CSGALNACT1: variants seen among roughly 807,000 people sequenced by gnomAD.
CSGALNACT1 encodes the protein beta4GalNAcT-1.
A neutral mutation model predicts 51.0 loss-of-function variants in CSGALNACT1; 52 were observed. That is an observed-to-expected ratio of 1.02 (90% CI 0.82 to 1.29). The LOEUF is 1.29. Among genes scored for constraint, CSGALNACT1 ranks in the 50% most tolerant of loss-of-function variants. The probability of loss-of-function intolerance (pLI) is 0.00; values close to 1 mark genes in which losing one functional copy is unlikely to be tolerated. For synonymous variants in CSGALNACT1, 341 were observed against 254.4 expected (o/e 1.34, Z -3.24); for missense variants, 935 against 679.2 (o/e 1.38, Z -4.19).
At chr8:19,452,027 T>C (rs559874740) in intron 5 of CSGALNACT1, among the ~76,000 whole-genome samples, 1 of 152,372 alleles carries the variant, frequency 6.6e-6, no homozygotes, top group Admixed American at 6.5e-5. Flanking sequence ...CATTGCAAAC[T>C]GTGTGCCAAA....
At chr8:19,451,776 A>C (rs2063224314) in intron 5 of CSGALNACT1, among the ~76,000 whole-genome samples, 1 of 152,236 alleles carries the variant, frequency 6.6e-6, no homozygotes, top group South Asian at 2.1e-4. Flanking sequence ...TAGGTAAATA[A>C]TTAACAAATT....
intron 1 of CSGALNACT1, among the ~76,000 whole-genome samples, chr8:19,696,570 A>C (rs900651082): frequency 6.6e-6 from 1 of 152,194 alleles, no homozygotes; most frequent in African/African-American, 2.4e-5. Flanking sequence ...TTATGAACCC[A>C]AACTCTAGAA....
chr8:19,600,936 T>C (rs2050284622), intron 2 of CSGALNACT1, among the ~76,000 whole-genome samples: 1 of 152,098 alleles, frequency 6.6e-6, no homozygotes, highest in African/African-American at 2.4e-5. Flanking sequence ...TGAGTGCAGC[T>C]TACCTATTTT....
At chr8:19,601,517 A>T (rs2050414978) in intron 2 of CSGALNACT1, among the ~76,000 whole-genome samples, 1 of 152,244 alleles carries the variant, frequency 6.6e-6, no homozygotes, top group Admixed American at 6.5e-5. Context: ...GAGAAGAGAT[A>T]AATCCTTAAA....
chr8:19,557,454 A>G (rs891382002), intron 3 of CSGALNACT1, among the ~76,000 whole-genome samples: 5 of 152,184 alleles, frequency 3.3e-5, no homozygotes, highest in African/African-American at 1.2e-4. Flanking sequence ...CAGGGCCTCC[A>G]GGCCCCTAAA....
chr8:19,756,702 C>G (rs1287067953), intron 1 of CSGALNACT1, among the ~76,000 whole-genome samples: 1 of 152,072 alleles, frequency 6.6e-6, no homozygotes, highest in African/African-American at 2.4e-5. Context: ...GGCAGGCGAG[C>G]GCGCTGCCCA....
chr8:19,487,590 G>T (rs2073279481), intron 4 of CSGALNACT1, among the ~76,000 whole-genome samples: 1 of 152,124 alleles, frequency 6.6e-6, no homozygotes, highest in Non-Finnish European at 1.5e-5. Flanking sequence ...GTCAGACTTT[G>T]AAAGACTCAA....
At chr8:19,488,878 T>C (rs896408865) in intron 4 of CSGALNACT1, among the ~76,000 whole-genome samples, 6 of 152,202 alleles carry the variant, frequency 3.9e-5, no homozygotes, top group Non-Finnish European at 8.8e-5. Flanking sequence ...CGGGATGGGA[T>C]TGTCTCATCA....
chr8:19,727,743 T>TG (rs2063483453), intron 1 of CSGALNACT1, among the ~76,000 whole-genome samples: 2 of 152,252 alleles, frequency 1.3e-5, no homozygotes, highest in East Asian at 3.9e-4. Context: ...ACACCATGGC[T>TG]GGGTGACATT....
At chr8:19,547,953 G>C (rs2086885418) in intron 3 of CSGALNACT1, among the ~76,000 whole-genome samples, 1 of 152,142 alleles carries the variant, frequency 6.6e-6, no homozygotes, top group Non-Finnish European at 1.5e-5. Context: ...GAGAGCAGCT[G>C]CCATTTTCCT....
In CSGALNACT1 at chr8:19,634,938, A is replaced by C. The variant is rs17128753; in HGVS notation, c.-543-33073T>G. 6.9e-3 allele frequency among the ~76,000 whole-genome samples: 1,044 copies of C among 152,354 alleles called. 6 individuals carry two copies. The highest frequency in any genetic ancestry group is 0.024 in the African/African-American group (985 of 41,582). ...TGTAATATAATGATGATAACACTTT[A>C]AAAGCAGTAGCGCTAATCAGACACC... On this transcript the variant is annotated intron_variant, in intron 1 of 9. Transcript: ENST00000332246.
intron 1 of CSGALNACT1, among the ~76,000 whole-genome samples, chr8:19,660,687 G>A (rs1192486857): frequency 6.6e-6 from 1 of 152,068 alleles, no homozygotes; most frequent in Non-Finnish European, 1.5e-5. Flanking sequence ...AGCTCCAGTT[G>A]TTACAGGCAC....
chr8:19,503,425 T>C (rs946805549), intron 4 of CSGALNACT1, among the ~76,000 whole-genome samples: 5 of 152,228 alleles, frequency 3.3e-5, no homozygotes, highest in Admixed American at 6.5e-5. Flanking sequence ...GAATAGCAGA[T>C]AGATTTCAAA....
At chr8:19,569,899 G>A (rs753495134) in intron 3 of CSGALNACT1, among the ~76,000 whole-genome samples, 5 of 152,128 alleles carry the variant, frequency 3.3e-5, no homozygotes, top group Non-Finnish European at 7.4e-5. Context: ...GCTACATGCA[G>A]CCATACAGAT....
intron 4 of CSGALNACT1, among the ~76,000 whole-genome samples, chr8:19,503,268 G>A (rs1227880997): frequency 6.6e-6 from 1 of 152,172 alleles, no homozygotes; most frequent in Non-Finnish European, 1.5e-5. Context: ...AAAGCTGTGT[G>A]CTGCCCACGA....
At chr8:19,408,167 C>T (rs541693310) in intron 9 of CSGALNACT1, among the ~76,000 whole-genome samples, 147 of 152,238 alleles carry the variant, frequency 9.7e-4, no homozygotes, top group Non-Finnish European at 1.8e-3. Flanking sequence ...TGCAAAGCTG[C>T]CTGGATGCAA....
chr8:19,721,475 T>C (rs942758335), intron 1 of CSGALNACT1, among the ~76,000 whole-genome samples: 3 of 152,222 alleles, frequency 2.0e-5, no homozygotes, highest in African/African-American at 7.2e-5. Flanking sequence ...GGTTCTCATG[T>C]ATCAGGGGGA....
intron 6 of CSGALNACT1, among the ~76,000 whole-genome samples, chr8:19,424,621 A>T (rs1322662933): frequency 2.0e-5 from 3 of 152,202 alleles, no homozygotes; most frequent in African/African-American, 7.2e-5. Flanking sequence ...ATATGACAAG[A>T]TGAGGAGGAA....
At chr8:19,507,689 G>A (rs1464111718) in intron 3 of CSGALNACT1, among the ~76,000 whole-genome samples, 4 of 152,092 alleles carry the variant, frequency 2.6e-5, no homozygotes, top group Non-Finnish European at 5.9e-5. Context: ...ATGCAGTGGC[G>A]CGATCTCTGC....
Sources: gnomAD v4.1 joint callset for allele counts (sites outside exome capture counted in the v4.1 genomes callset) on GRCh38, gnomAD v4.1.1 for gene constraint, MANE v1.5 for transcripts, NCBI Gene and HGNC (gene_info 2026-07-23, HGNC 2026-07-21) for gene names.